Variants in ABCA13 observed in about 807,000 individuals in gnomAD.
ABCA13 encodes ATP-binding cassette sub-family A member 13.
Under a neutral mutation model 478.7 loss-of-function variants are expected in ABCA13, and 476 were observed. That is an observed-to-expected ratio of 0.99 (90% confidence interval 0.92 to 1.07). The LOEUF (loss-of-function observed/expected upper bound fraction) is 1.07. ABCA13 is among the 50% of genes least tolerant of loss of function. The probability of loss-of-function intolerance (pLI) is 0.00; values close to 1 mark genes in which losing one functional copy is unlikely to be tolerated. For missense variants in ABCA13, 6,060 were observed against 5,910.6 expected, an observed-to-expected ratio of 1.03 and a Z score of -0.83; for synonymous variants, 2,252 against 2,158.9, an observed-to-expected ratio of 1.04 and a Z score of -1.20.
At chr7:48,317,898 G>C (rs191087997) in intron 27 of ABCA13, among the ~76,000 whole-genome samples, 1 of 152,076 alleles carries the variant, frequency 6.6e-6, no homozygotes, top group African/African-American at 2.4e-5. Flanking sequence ...TGCAGGATTT[G>C]TTATTATTAA....
intron 18 of ABCA13, among the ~76,000 whole-genome samples, chr7:48,280,660 T>C (rs1323710918): frequency 6.6e-6 from 1 of 152,162 alleles, no homozygotes; most frequent in Non-Finnish European, 1.5e-5. Flanking sequence ...AGATTGGAGA[T>C]GCCATGTCAA....
intron 29 of ABCA13, among the ~76,000 whole-genome samples, chr7:48,342,911 T>G (rs1807462081): frequency 6.6e-6 from 1 of 152,164 alleles, no homozygotes; most frequent in South Asian, 2.1e-4. Flanking sequence ...GCTTAAAATT[T>G]AAATTTTCTT....
chr7:48,478,948 C>CT (rs71227263), intron 45 of ABCA13, among the ~76,000 whole-genome samples: 10,449 of 134,462 alleles, frequency 0.078, 517 homozygotes, highest in Admixed American at 0.14. Flanking sequence ...AAAATCTACT[C>CT]TTTTTTTTTT....
At chr7:48,496,416 C>T (rs760948032) in intron 48 of ABCA13, among the ~76,000 whole-genome samples, 4 of 152,070 alleles carry the variant, frequency 2.6e-5, no homozygotes, top group Non-Finnish European at 5.9e-5. Context: ...GTTTCCTATA[C>T]ACACCACATC....
At chr7:48,447,287 AC>A (rs926615666) in intron 42 of ABCA13, among the ~76,000 whole-genome samples, 1 of 152,148 alleles carries the variant, frequency 6.6e-6, no homozygotes, top group Non-Finnish European at 1.5e-5. Flanking sequence ...CTGTTTCAAC[AC>A]CCACCTCCTC....
intron 42 of ABCA13, among the ~76,000 whole-genome samples, chr7:48,445,716 A>C (rs945757702): frequency 2.0e-5 from 3 of 152,098 alleles, no homozygotes; most frequent in Non-Finnish European, 2.9e-5. Context: ...GTATTTAAAT[A>C]GCTAATTGCA....
intron 23 of ABCA13, among the ~76,000 whole-genome samples, chr7:48,303,141 GA>G (rs1800394423): frequency 6.6e-6 from 1 of 152,014 alleles, no homozygotes; most frequent in South Asian, 2.1e-4. Flanking sequence ...GTTTTCTTCT[GA>G]AAAGTGTCTG....
At chr7:48,405,466 G>A (rs1418265044) in intron 39 of ABCA13, among the ~76,000 whole-genome samples, 2 of 152,214 alleles carry the variant, frequency 1.3e-5, no homozygotes, top group Non-Finnish European at 2.9e-5. Flanking sequence ...GACATAGAAA[G>A]GGCAGACATG....
In ABCA13 at chr7:48,418,890, G is replaced by A. The variant is rs550309698; in HGVS notation, c.12459+6307G>A. On this transcript the variant is annotated intron_variant, in intron 41 of 61. Coordinates refer to ENST00000435803, the MANE Select transcript of ABCA13 (RefSeq NM_152701.5). The stretch of plus-strand genomic sequence containing the variant: ...TAGTCCATTCTCACATTGCTGTAAA[G>A]AAATACCTGAGACTGGGTAATTTAT... 1.6e-4 allele frequency among the ~76,000 whole-genome samples: 25 copies of A among 152,246 alleles called. 1 individual carries two copies. The South Asian group carries it at 5.2e-3, about 32-fold the overall frequency.
intron 59 of ABCA13, among the ~76,000 whole-genome samples, chr7:48,615,613 A>G (rs911022488): frequency 6.6e-6 from 1 of 152,136 alleles, no homozygotes; most frequent in East Asian, 1.9e-4. Context: ...TTCTCTTGCC[A>G]GGTAGACATT....
At chr7:48,308,066 A>G (rs1801179476) in intron 23 of ABCA13, among the ~76,000 whole-genome samples, 1 of 152,178 alleles carries the variant, frequency 6.6e-6, no homozygotes, top group African/African-American at 2.4e-5. Context: ...ACAGCTGTAC[A>G]ATTGTTTTCC....
intron 39 of ABCA13, 156 bp downstream of exon 39, chr7:48,404,035 T>G (rs1483024731): frequency 3.5e-6 from 3 of 860,724 alleles, no homozygotes; most frequent in Admixed American, 4.1e-5. Flanking sequence ...AGGGATATAT[T>G]CGTTAGATAA....
At chr7:48,524,214 T>C (rs1453118628) in intron 53 of ABCA13, 34 bp from the exon 54 acceptor site, 1 of 1,582,980 alleles carries the variant, frequency 6.3e-7, no homozygotes, top group South Asian at 1.1e-5. Flanking sequence ...TATCATTTGC[T>C]AGGTGTGAAT....
chr7:48,562,958 G>A (rs1165569587), intron 55 of ABCA13, among the ~76,000 whole-genome samples: 1 of 150,316 alleles, frequency 6.7e-6, no homozygotes, highest in Admixed American at 6.6e-5. Flanking sequence ...ATGTATGTGT[G>A]TATATATATA....
intron 31 of ABCA13, among the ~76,000 whole-genome samples, chr7:48,363,535 A>G (rs1811210148): frequency 6.6e-6 from 1 of 152,020 alleles, no homozygotes; most frequent in South Asian, 2.1e-4. Context: ...ATTTAGAAAT[A>G]CTTAGTTTTT....
intron 15 of ABCA13, among the ~76,000 whole-genome samples, chr7:48,268,236 A>T (rs919837454): frequency 6.6e-6 from 1 of 151,884 alleles, no homozygotes; most frequent in Non-Finnish European, 1.5e-5. Flanking sequence ...GGCTCACTGC[A>T]ATCTCCCCCT....
In ABCA13 at chr7:48,578,031, CATG is replaced by C. The variant is rs1324444576; in HGVS notation, c.14355-2190_14355-2188del. On this transcript the variant is annotated intron_variant, in intron 55 of 61. Coordinates refer to ENST00000435803, the MANE Select transcript of ABCA13 (RefSeq NM_152701.5). ...TTTTTCACAAAAGCCAACACTTATT[CATG>C]ATACTAACTCTCAGCAAACTAGGAA... Among the ~76,000 whole-genome samples the C allele has an allele frequency of 7.2e-5, 11 of 152,194 alleles. No homozygotes were observed. In the East Asian group the frequency reaches 2.1e-3, roughly 29 times the overall value.
chr7:48,307,639 A>G lies in ABCA13; in HGVS notation c.9322-2308A>G, dbSNP rs959834699. ...AAATTTCTTTCTTCAATCATAGATTAACCTTAGCTTACTGTAACTTTTTTT... is the reference window on the plus strand; with the variant it reads ...AAATTTCTTTCTTCAATCATAGATTGACCTTAGCTTACTGTAACTTTTTTT... On this transcript the variant is annotated intron_variant, in intron 23 of 61. Coordinates refer to ENST00000435803, the MANE Select transcript of ABCA13 (RefSeq NM_152701.5). 2.0e-5 allele frequency among the ~76,000 whole-genome samples: 3 copies of G among 152,176 alleles called. 1 individual carries two copies. The highest frequency in any genetic ancestry group is 7.2e-5 in the African/African-American group (3 of 41,446).
chr7:48,312,495 T>G (rs766993320), intron 24 of ABCA13, among the ~76,000 whole-genome samples: 12 of 152,096 alleles, frequency 7.9e-5, no homozygotes, highest in Non-Finnish European at 1.5e-4. Context: ...GGTGATAGCA[T>G]AAGTAAGCTT....
Sources: allele counts gnomAD v4.1 joint callset (sites outside exome capture counted in the v4.1 genomes callset), GRCh38; gene constraint gnomAD v4.1.1; transcripts MANE v1.5; gene names NCBI Gene and HGNC (gene_info 2026-07-23, HGNC 2026-07-21).